The following CDH13 variants were observed in gnomAD, a reference collection of about 807,000 sequenced individuals.
The protein encoded by CDH13 is cadherin 13.
CDH13 carries 24 observed loss-of-function variants against 63.8 expected under a neutral mutation model. The ratio of observed to expected loss-of-function variants is 0.38; its 90% confidence interval spans 0.27 to 0.53. The LOEUF (loss-of-function observed/expected upper bound fraction) is 0.53, where lower values mean the gene tolerates loss of function less well. Ranked by LOEUF, CDH13 falls within the 20% of genes least tolerant of loss-of-function variation. CDH13 has a pLI of 0.85. For synonymous variants in CDH13, 503 were observed against 355.3 expected, an observed-to-expected ratio of 1.42 and a Z score of -4.67; for missense variants, 1,049 against 903.1, an observed-to-expected ratio of 1.16 and a Z score of -2.07.
chr16:83,507,210 A>T (rs962741219), intron 7 of CDH13, among the ~76,000 whole-genome samples: 47 of 152,180 alleles, frequency 3.1e-4, no homozygotes, highest in Non-Finnish European at 2.9e-5. Context: ...TTAGCATTCT[A>T]TTAATGCCAC....
At chr16:83,644,677 C>G (rs547695771) in intron 8 of CDH13, among the ~76,000 whole-genome samples, 2 of 152,182 alleles carry the variant, frequency 1.3e-5, no homozygotes, top group Admixed American at 6.6e-5. Flanking sequence ...GGTTCATGGT[C>G]CAGAAACGCA....
chr16:83,776,588 T>G (rs1300429540), intron 11 of CDH13, among the ~76,000 whole-genome samples: 1 of 152,132 alleles, frequency 6.6e-6, no homozygotes, highest in African/African-American at 2.4e-5. Flanking sequence ...CGCTAAAGAG[T>G]ATCGGCTCGC....
intron 8 of CDH13, among the ~76,000 whole-genome samples, chr16:83,613,587 C>T (rs1909038465): frequency 1.3e-5 from 2 of 152,182 alleles, no homozygotes; most frequent in African/African-American, 4.8e-5. Flanking sequence ...AATACCAGCA[C>T]TTTGGGAGAC....
Position 83,321,589 on chromosome 16 carries a change from C to T in CDH13, c.637-23273C>T, listed in dbSNP as rs1015445973. On this transcript the variant is annotated intron_variant, in intron 5 of 13. Coordinates refer to ENST00000567109, the MANE Select transcript of CDH13 (RefSeq NM_001257.5). Reference sequence around the variant, plus strand: ...TGTCGCCTAGGCTGGAGTGCAGTGGCGCAATCTTGGCTCACTGCCAGCTCC... The same window carrying T: ...TGTCGCCTAGGCTGGAGTGCAGTGGTGCAATCTTGGCTCACTGCCAGCTCC... 7.2e-5 allele frequency among the ~76,000 whole-genome samples: 9 copies of T among 125,470 alleles called. 1 individual carries two copies. The South Asian group carries it at 8.1e-4, about 11-fold the overall frequency. The allele number at this position is 125,470 out of a possible 152,430, so 82.3% of individuals were successfully genotyped here. A position where few individuals can be genotyped will look rare whatever the true frequency, so the allele number is the denominator to read the frequency against.
chr16:82,759,936 C>G (rs2034769331), intron 1 of CDH13, among the ~76,000 whole-genome samples: 1 of 152,118 alleles, frequency 6.6e-6, no homozygotes, highest in African/African-American at 2.4e-5. Context: ...CTTATATTTA[C>G]TGTAAGTTTT....
At chr16:83,146,610 T>G (rs77136999) in intron 4 of CDH13, among the ~76,000 whole-genome samples, 3,494 of 152,340 alleles carry the variant, frequency 0.023, 102 homozygotes, top group South Asian at 0.085. Flanking sequence ...AGCAGTTATA[T>G]GTGTATGTCA....
intron 1 of CDH13, among the ~76,000 whole-genome samples, chr16:82,758,696 G>A (rs2034717482): frequency 6.6e-6 from 1 of 152,166 alleles, no homozygotes; most frequent in Admixed American, 6.5e-5. Context: ...AGTAAATGTA[G>A]GCACTTTCTT....
intron 6 of CDH13, among the ~76,000 whole-genome samples, chr16:83,473,807 A>G (rs1214882483): frequency 2.0e-5 from 3 of 152,134 alleles, no homozygotes; most frequent in Admixed American, 1.3e-4. Flanking sequence ...TCAGCCACTT[A>G]CCAGCTAGAT....
chr16:82,835,698 A>G (rs2151121673), intron 1 of CDH13, among the ~76,000 whole-genome samples: 1 of 152,208 alleles, frequency 6.6e-6, no homozygotes. Context: ...CCTGTTCTCT[A>G]GATAGAAGTT....
chr16:83,528,819 G>C (rs2075018642), intron 7 of CDH13, among the ~76,000 whole-genome samples: 1 of 152,178 alleles, frequency 6.6e-6, no homozygotes, highest in African/African-American at 2.4e-5. Flanking sequence ...AGTCAAGAGA[G>C]AGACTGTTCA....
intron 7 of CDH13, among the ~76,000 whole-genome samples, chr16:83,565,189 G>T (rs1277766956): frequency 2.0e-5 from 3 of 151,952 alleles, no homozygotes; most frequent in African/African-American, 7.3e-5. Flanking sequence ...AAGCAATTCA[G>T]ATCTCGCCCA....
intron 10 of CDH13, among the ~76,000 whole-genome samples, chr16:83,729,789 A>T (rs768296808): frequency 5.9e-5 from 9 of 152,244 alleles, no homozygotes; most frequent in Non-Finnish European, 1.3e-4. Context: ...TCATGATCAT[A>T]ATTATTACCG....
At chr16:82,749,175 C>CAG (rs984035976) in intron 1 of CDH13, among the ~76,000 whole-genome samples, 17 of 151,706 alleles carry the variant, frequency 1.1e-4, no homozygotes, top group African/African-American at 3.4e-4. Context: ...GAGAGAGAGA[C>CAG]AGAGAGAGAG....
chr16:83,148,727 A>G (rs8044647), intron 4 of CDH13, among the ~76,000 whole-genome samples: 8,939 of 152,260 alleles, frequency 0.059, 860 homozygotes, highest in African/African-American at 0.2. Flanking sequence ...TAGGAGTTTT[A>G]GCAGGCAGGT....
At chr16:83,026,266 C>T (rs1915790372) in intron 2 of CDH13, among the ~76,000 whole-genome samples, 1 of 152,174 alleles carries the variant, frequency 6.6e-6, no homozygotes, top group African/African-American at 2.4e-5. Context: ...CCATCTATTC[C>T]TAGGAAGCAG....
chr16:82,881,085 C>G (rs775224284), intron 2 of CDH13, among the ~76,000 whole-genome samples: 10 of 152,016 alleles, frequency 6.6e-5, no homozygotes, highest in Admixed American at 1.3e-4. Flanking sequence ...ATTTTCAGTG[C>G]TTTAGTATTG....
At chr16:83,532,512 G>T (rs373152582) in intron 7 of CDH13, among the ~76,000 whole-genome samples, 1 of 152,150 alleles carries the variant, frequency 6.6e-6, no homozygotes, top group Non-Finnish European at 1.5e-5. Context: ...AGCCACATGC[G>T]GGCTCTTTGC....
chr16:82,851,339 T>C (rs2039473191), intron 1 of CDH13, among the ~76,000 whole-genome samples: 1 of 150,234 alleles, frequency 6.7e-6, no homozygotes, highest in South Asian at 2.1e-4. Flanking sequence ...GGAGACTGAG[T>C]CTGGAGAATT....
intron 3 of CDH13, among the ~76,000 whole-genome samples, chr16:83,048,889 G>C (rs8044983): frequency 0.85 from 129,802 of 152,062 alleles, 55,942 homozygotes; most frequent in East Asian, 0.98. Flanking sequence ...CCCCAGTCTT[G>C]TTGAAAGCCA....
Sources: gnomAD v4.1 joint callset for allele counts (sites outside exome capture counted in the v4.1 genomes callset) on GRCh38, gnomAD v4.1.1 for gene constraint, MANE v1.5 for transcripts, NCBI Gene and HGNC (gene_info 2026-07-23, HGNC 2026-07-21) for gene names.